RPS6KC1: variants seen among roughly 807,000 people sequenced by gnomAD.
RPS6KC1 encodes the protein inactive ribosomal protein S6 kinase delta-1.
In RPS6KC1, 54 loss-of-function variants were observed where a neutral mutation model predicts 103.8. The ratio of observed to expected loss-of-function variants is 0.52; its 90% CI spans 0.42 to 0.65. RPS6KC1 has a LOEUF of 0.65. Among genes scored for constraint, RPS6KC1 ranks in the 30% least tolerant of loss-of-function variants. The pLI, the probability that RPS6KC1 is intolerant of heterozygous loss-of-function variation, is 0.00. For missense variants in RPS6KC1, 1,151 were observed against 1,253.8 expected, an observed-to-expected ratio of 0.92 and a Z score of 1.24; for synonymous variants, 439 against 438.7, an observed-to-expected ratio of 1.00 and a Z score of -0.01.
At chr1:213,653,577 C>A in the RPS6KC1 span, among the ~76,000 whole-genome samples, 1 of 151,938 alleles carries the variant, frequency 6.6e-6, no homozygotes, top group South Asian at 2.1e-4. Flanking sequence ...TCTTTATGTT[C>A]TTTCTTAGGC....
At chr1:213,155,648 C>A (rs1279213663) in intron 6 of RPS6KC1, among the ~76,000 whole-genome samples, 1 of 152,174 alleles carries the variant, frequency 6.6e-6, no homozygotes, top group Non-Finnish European at 1.5e-5. Context: ...GGGGTGACGT[C>A]AGCAATTCGG....
the RPS6KC1 span, among the ~76,000 whole-genome samples, chr1:213,467,324 C>T: frequency 3.3e-5 from 5 of 152,150 alleles, no homozygotes; most frequent in East Asian, 1.9e-4. Flanking sequence ...CTGGGAATAA[C>T]GCCACAAGCA....
the RPS6KC1 span, among the ~76,000 whole-genome samples, chr1:213,292,171 A>G: frequency 6.6e-6 from 1 of 152,146 alleles, no homozygotes. Flanking sequence ...TAATGGATGC[A>G]GCACACCAGC....
chr1:213,786,028 A>G, the RPS6KC1 span, among the ~76,000 whole-genome samples: 1 of 152,166 alleles, frequency 6.6e-6, no homozygotes, highest in Non-Finnish European at 1.5e-5. Flanking sequence ...TGAGCCAGGA[A>G]AAATGTTTCT....
At chr1:213,457,475 C>T in the RPS6KC1 span, among the ~76,000 whole-genome samples, 2 of 115,210 alleles carry the variant, frequency 1.7e-5, no homozygotes, top group African/African-American at 2.9e-5. Context: ...CGGGCATCCT[C>T]TCACTGAGCA....
At chr1:213,319,771 C>G in the RPS6KC1 span, among the ~76,000 whole-genome samples, 1 of 152,240 alleles carries the variant, frequency 6.6e-6, no homozygotes, top group Admixed American at 6.5e-5. Context: ...GCCCTCTCTC[C>G]AAACCGTCAT....
At chr1:213,624,594 C>A in the RPS6KC1 span, among the ~76,000 whole-genome samples, 1 of 152,158 alleles carries the variant, frequency 6.6e-6, no homozygotes, top group African/African-American at 2.4e-5. Context: ...TCAGGGATGT[C>A]CAGGCTGGAT....
chr1:213,617,841 A>AT, the RPS6KC1 span, among the ~76,000 whole-genome samples: 1 of 152,058 alleles, frequency 6.6e-6, no homozygotes, highest in African/African-American at 2.4e-5. Flanking sequence ...AAAGAATGAG[A>AT]TTTTTCTTAT....
At chr1:213,717,971 G>A in the RPS6KC1 span, among the ~76,000 whole-genome samples, 17 of 152,204 alleles carry the variant, frequency 1.1e-4, no homozygotes, top group East Asian at 7.7e-4. Context: ...CTACTCTGCC[G>A]TCTTTTCACC....
At chr1:213,851,954 C>T in the RPS6KC1 span, among the ~76,000 whole-genome samples, 2 of 152,308 alleles carry the variant, frequency 1.3e-5, no homozygotes, top group Admixed American at 1.3e-4. Flanking sequence ...AAGCATTTCT[C>T]TTGGAACTCC....
chr1:213,363,782 CT>C, the RPS6KC1 span, among the ~76,000 whole-genome samples: 2 of 94,216 alleles, frequency 2.1e-5, no homozygotes, highest in African/African-American at 1.3e-4. Flanking sequence ...TTCTTTCTTT[CT>C]TTCTTTCTTT....
intron 8 of RPS6KC1, among the ~76,000 whole-genome samples, chr1:213,205,640 T>A (rs1463798188): frequency 2.0e-5 from 3 of 148,546 alleles, no homozygotes; most frequent in African/African-American, 7.4e-5. Flanking sequence ...ATTAATGATA[T>A]CATCTTAAGG....
chr1:213,375,204 CATATACAT>C, the RPS6KC1 span, among the ~76,000 whole-genome samples: 2 of 151,834 alleles, frequency 1.3e-5, no homozygotes, highest in Non-Finnish European at 2.9e-5. Flanking sequence ...CACATATACA[CATATACAT>C]ACATACATAT....
At chr1:213,308,394 G>T in the RPS6KC1 span, among the ~76,000 whole-genome samples, 73 of 151,464 alleles carry the variant, frequency 4.8e-4, no homozygotes, top group African/African-American at 1.6e-3. Context: ...ACCTTTACAC[G>T]TTTTTTCTTC....
intron 7 of RPS6KC1, among the ~76,000 whole-genome samples, chr1:213,173,636 TC>T (rs1209662305): frequency 6.6e-6 from 1 of 152,218 alleles, no homozygotes; most frequent in Non-Finnish European, 1.5e-5. Context: ...TCACCTTTAG[TC>T]CCACATCTTT....
chr1:213,835,400 T>C, the RPS6KC1 span, among the ~76,000 whole-genome samples: 243 of 152,296 alleles, frequency 1.6e-3, no homozygotes, highest in Non-Finnish European at 2.4e-3. Context: ...AGAGGCATCA[T>C]CTGCTTTATG....
chr1:213,735,393 TCTGTGG>T, the RPS6KC1 span, among the ~76,000 whole-genome samples: 1 of 152,346 alleles, frequency 6.6e-6, no homozygotes, highest in Admixed American at 6.5e-5. Flanking sequence ...ACTCCCATGT[TCTGTGG>T]CTTCCACAGG....
At chr1:213,126,628 G>A (rs1490130261) in intron 5 of RPS6KC1, among the ~76,000 whole-genome samples, 1 of 152,108 alleles carries the variant, frequency 6.6e-6, no homozygotes, top group East Asian at 1.9e-4. Flanking sequence ...CCTGCCACCT[G>A]TTTTTGTATG....
intron 8 of RPS6KC1, among the ~76,000 whole-genome samples, chr1:213,181,130 A>G (rs1219519324): frequency 6.6e-6 from 1 of 152,180 alleles, no homozygotes; most frequent in Non-Finnish European, 1.5e-5. Flanking sequence ...AACCCAGAGT[A>G]TACTAAGATT....
Sources: gnomAD v4.1 joint callset for allele counts (sites outside exome capture counted in the v4.1 genomes callset) on GRCh38, gnomAD v4.1.1 for gene constraint, MANE v1.5 for transcripts, NCBI Gene and HGNC (gene_info 2026-07-23, HGNC 2026-07-21) for gene names.